ESR2: variants seen among roughly 807,000 people sequenced by gnomAD.
ESR2 encodes the protein estrogen receptor beta.
A neutral mutation model predicts 49.6 loss-of-function variants in ESR2; 36 were observed. The observed-to-expected ratio is 0.73, with a 90% CI of 0.56 to 0.96. The LOEUF is 0.96. Ranked by LOEUF, ESR2 falls within the 40% of genes least tolerant of loss-of-function variation. The pLI is 0.00. For synonymous variants in ESR2, 320 were observed against 266.1 expected (o/e 1.20, Z -1.97); for missense variants, 714 against 693.0 (o/e 1.03, Z -0.34).
At position 64,260,640 on chromosome 14, in the gene ESR2, C is replaced by G. The variant is rs1449093053; in HGVS notation, c.761G>C (p.Arg254Pro). 2 of 1,609,232 alleles carry G rather than the reference C, an allele frequency of 1.2e-6. No homozygotes were observed. The highest frequency in any genetic ancestry group is 2.7e-5 in the African/African-American group (2 of 74,896). ...GGCGTCCAGCAGCAGCTCCCGCACT[C>G]GGGGCGCGTGGCCGCCACTTCTCTT... is the stretch of plus-strand genomic sequence containing the variant. Reference protein sequence around the residue: ...KAKRSGGHAPRVRELLLDALS... With the variant: ...KAKRSGGHAPPVRELLLDALS... The change falls in exon 5 of 9, where the codon CGA becomes CCA. Residue 254 changes from arginine (R) to proline (P), a missense_variant. By Grantham distance (103) the Arg-to-Pro change is moderately radical (BLOSUM62 -2). Coordinates refer to ENST00000341099, the MANE Select transcript of ESR2 (RefSeq NM_001437.3).
At chr14:64,288,184 A>G (rs908154995) in intron 1 of ESR2, among the ~76,000 whole-genome samples, 2 of 152,042 alleles carry the variant, frequency 1.3e-5, no homozygotes, top group South Asian at 4.2e-4. Flanking sequence ...TTTTGTACAC[A>G]TGGGATCGTG....
At chr14:64,258,535 C>T (rs975326464) in intron 5 of ESR2, among the ~76,000 whole-genome samples, 7 of 152,154 alleles carry the variant, frequency 4.6e-5, no homozygotes, top group Non-Finnish European at 7.4e-5. Context: ...ATGGGGGTAA[C>T]AATGCCTATC....
intron 3 of ESR2, among the ~76,000 whole-genome samples, chr14:64,274,358 T>G (rs1394394979): frequency 6.6e-6 from 1 of 152,158 alleles, no homozygotes; most frequent in Non-Finnish European, 1.5e-5. Context: ...GTCTAGGAAT[T>G]TATCCATTTC....
At chr14:64,307,574 G>C (rs184361284) in intron 1 of ESR2, among the ~76,000 whole-genome samples, 1 of 139,868 alleles carries the variant, frequency 7.1e-6, no homozygotes, top group East Asian at 2.3e-4. Context: ...TCATTCTGTC[G>C]CCCAGGCTGG....
At chr14:64,275,382 G>A (rs2076537471) in intron 3 of ESR2, among the ~76,000 whole-genome samples, 1 of 151,918 alleles carries the variant, frequency 6.6e-6, no homozygotes, top group Non-Finnish European at 1.5e-5. Context: ...ATTTGGTCTG[G>A]TCTAAGTATA....
At position 64,291,456 on chromosome 14, in the gene ESR2, T is replaced by A. The variant is rs1437725645; in HGVS notation, c.-91+2577A>T. ...CTGCATATCCTAGTTACTACCACTG[T>A]AACTGGGTATGCAAGGTAAGTTACA... On this transcript the variant is annotated intron_variant, in intron 1 of 8. Coordinates refer to ENST00000341099, the MANE Select transcript of ESR2 (RefSeq NM_001437.3). 5.9e-5 allele frequency among the ~76,000 whole-genome samples: 9 copies of A among 152,302 alleles called. No homozygotes were observed. In the East Asian group the frequency reaches 1.7e-3, roughly 29 times the overall value.
At chr14:64,290,425 T>C (rs111722049) in intron 1 of ESR2, among the ~76,000 whole-genome samples, 8,799 of 151,844 alleles carry the variant, frequency 0.058, 620 homozygotes, top group African/African-American at 0.16. Flanking sequence ...TATTTAGAGA[T>C]AGAGTTTTGC....
At chr14:64,283,798 A>G (rs1346985416) in intron 1 of ESR2, among the ~76,000 whole-genome samples, 1 of 150,134 alleles carries the variant, frequency 6.7e-6, no homozygotes. Flanking sequence ...TTCCGAAAAA[A>G]GTTTTTAAAA....
chr14:64,295,271 T>C (rs1368844194), upstream of ESR2, among the ~76,000 whole-genome samples: 3 of 152,192 alleles, frequency 2.0e-5, no homozygotes, highest in Non-Finnish European at 4.4e-5. Flanking sequence ...GACATGGTTT[T>C]TGAGGGTTGT....
At chr14:64,281,970 G>A (rs2076679310) in intron 2 of ESR2, among the ~76,000 whole-genome samples, 1 of 152,204 alleles carries the variant, frequency 6.6e-6, no homozygotes, top group Admixed American at 6.5e-5. Context: ...TTAAATTGTG[G>A]TTTCACTATA....
chr14:64,247,469 G>C (rs2075887863), intron 7 of ESR2, among the ~76,000 whole-genome samples: 1 of 152,176 alleles, frequency 6.6e-6, no homozygotes, highest in Non-Finnish European at 1.5e-5. Context: ...TTGAATCTTG[G>C]CTTCAGGAAC....
chr14:64,289,713 G>GT (rs79871199), intron 1 of ESR2, among the ~76,000 whole-genome samples: 90,932 of 151,830 alleles, frequency 0.6, 29,397 homozygotes, highest in African/African-American at 0.86. Flanking sequence ...TTTGACTTCT[G>GT]TCCACAGAAA....
intron 1 of ESR2, among the ~76,000 whole-genome samples, chr14:64,326,369 G>A (rs1357615701): frequency 2.0e-5 from 3 of 152,064 alleles, no homozygotes; most frequent in South Asian, 4.1e-4. Context: ...GTAGATGATC[G>A]ATCCAATAAT....
intron 4 of ESR2, among the ~76,000 whole-genome samples, chr14:64,266,918 G>C (rs1368717900): frequency 6.6e-6 from 1 of 152,106 alleles, no homozygotes; most frequent in Non-Finnish European, 1.5e-5. Flanking sequence ...GTCTCACTCT[G>C]TCACCAGGCT....
chr14:64,299,652 G>A (rs1299137268), intron 1 of ESR2, among the ~76,000 whole-genome samples: 17 of 152,246 alleles, frequency 1.1e-4, no homozygotes, highest in African/African-American at 3.1e-4. Flanking sequence ...GTCAGCCACC[G>A]CGCCCAGCCC....
At chr14:64,275,614 A>C (rs974770854) in intron 3 of ESR2, among the ~76,000 whole-genome samples, 1 of 152,014 alleles carries the variant, frequency 6.6e-6, no homozygotes, top group African/African-American at 2.4e-5. Context: ...GAGGCAGGAG[A>C]ATCCCTTGAA....
At chr14:64,235,620 C>T (rs1275769518) in intron 7 of ESR2, among the ~76,000 whole-genome samples, 2 of 152,186 alleles carry the variant, frequency 1.3e-5, no homozygotes, top group African/African-American at 2.4e-5. Flanking sequence ...TACCACGTGC[C>T]GCAGCCAGCC....
chr14:64,312,551 C>T (rs1427352899), intron 1 of ESR2, among the ~76,000 whole-genome samples: 1 of 152,054 alleles, frequency 6.6e-6, no homozygotes, highest in Admixed American at 6.6e-5. Context: ...AAAAACAAAC[C>T]TGAGAGGGGC....
chr14:64,247,011 C>G (rs1221681965), intron 7 of ESR2, among the ~76,000 whole-genome samples: 3 of 152,116 alleles, frequency 2.0e-5, no homozygotes, highest in Admixed American at 6.6e-5. Context: ...TTCTCCCTCA[C>G]CCAGTTCTTC....
Sources: gnomAD v4.1 joint callset for allele counts (sites outside exome capture counted in the v4.1 genomes callset) on GRCh38, gnomAD v4.1.1 for gene constraint, MANE v1.5 for transcripts, NCBI Gene and HGNC (gene_info 2026-07-23, HGNC 2026-07-21) for gene names.